The following TSC2 variants were observed in gnomAD, a reference collection of about 807,000 sequenced individuals.
The protein encoded by TSC2 is TSC complex subunit 2.
Under a neutral mutation model 202.2 loss-of-function variants are expected in TSC2, and 29 were observed. The ratio of observed to expected loss-of-function variants is 0.14; its 90% confidence interval spans 0.11 to 0.20. TSC2 has a LOEUF of 0.20. Among genes scored for constraint, TSC2 ranks in the 10% least tolerant of loss-of-function variants. The pLI is 1.00. For synonymous variants in TSC2, 1,349 were observed against 1,044.0 expected, an observed-to-expected ratio of 1.29 and a Z score of -5.63; for missense variants, 2,429 against 2,420.0, an observed-to-expected ratio of 1.00 and a Z score of -0.08.
intron 19 of TSC2, 124 bp downstream of exon 19, chr16:2,072,058 GCCTTCCC>G: frequency 1.4e-6 from 2 of 1,481,292 alleles, no homozygotes; most frequent in South Asian, 2.6e-5. Flanking sequence ...TCAGAGCTGA[GCCTTCCC>G]CCTTCCCCGA....
intron 2 of TSC2, among the ~76,000 whole-genome samples, chr16:2,049,667 A>G (rs1322194645): frequency 6.6e-6 from 1 of 151,676 alleles, no homozygotes; most frequent in South Asian, 2.1e-4. Context: ...TCTACTAAAA[A>G]TACCAAAAAT....
At chr16:2,064,106 G>A in intron 14 of TSC2, 166 bp from the exon 15 acceptor site, 2 of 1,119,852 alleles carry the variant, frequency 1.8e-6, no homozygotes, top group East Asian at 2.4e-5. Flanking sequence ...GGGGCCCCGG[G>A]GTCTCTGAGT....
intron 16 of TSC2, among the ~76,000 whole-genome samples, chr16:2,068,257 C>G (rs1272443695): frequency 2.6e-5 from 4 of 152,146 alleles, no homozygotes; most frequent in Non-Finnish European, 5.9e-5. Flanking sequence ...CCAGGCTGGT[C>G]TCAATCTCCT....
chr16:2,075,742 C>T (rs1224449168), intron 22 of TSC2, 57 bp from the exon 23 acceptor site: 4 of 1,582,718 alleles, frequency 2.5e-6, no homozygotes, highest in Non-Finnish European at 2.6e-6. Context: ...CCGTGTTGGC[C>T]TTCAGAGGCG....
chr16:2,053,443 G>A lies in TSC2; in HGVS notation c.327G>A (p.Val109=), dbSNP rs754348511. 5.7e-6 allele frequency: 9 copies of A among 1,573,410 alleles called. No individual in the cohort carries two copies. The African/African-American group carries it at 9.5e-5, about 17-fold the overall frequency. The change falls in exon 4 of 42, where the codon GTG becomes GTA. Residue 109 remains valine, a synonymous_variant. Coordinates refer to ENST00000219476, the MANE Select transcript of TSC2 (RefSeq NM_000548.5). The part of the protein sequence containing the change: ...HAVLALLKAI[V]QGQGERLGVL... ...TGCTGGCTCTGCTGAAGGCCATCGT[G>A]CAGGGGCAGGTAAGGCCCAGGGCGA...
chr16:2,088,867 G>A lies in TSC2; in HGVS notation c.*257G>A, dbSNP rs111648142. On this transcript the variant is annotated 3_prime_UTR_variant, in exon 42 of 42. Coordinates refer to ENST00000219476, the MANE Select transcript of TSC2 (RefSeq NM_000548.5). ...GCTGCCTGGGCCATACAGCACACTC[G>A]CGCGTGCGCGCGCGCACACACACAC... 7.8e-5 allele frequency: 39 copies of A among 498,008 alleles called. 1 individual carries two copies. The African/African-American group carries it at 1.0e-3, about 13-fold the overall frequency. 30.8% of individuals were successfully genotyped at this position (498,008 alleles called of 1,614,324 possible).
chr16:2,088,457 A>G lies in TSC2; in HGVS notation c.5271A>G (p.Glu1757=). Residue 1757 remains glutamate (E), a synonymous_variant, in exon 42 of 42, where the codon GAA becomes GAG. Transcript: ENST00000219476. The stretch of plus-strand genomic sequence containing the variant: ...GCCTCTGCCTTCAGATCTGCGAGGA[A>G]GCCGCCTACTCCAACCCCAGCCTAC... ...IKRLRQRICE[E]AAYSNPSLPL... 1.2e-6 allele frequency: 2 copies of G among 1,612,838 alleles called. No individual in the cohort carries two copies. The highest frequency in any genetic ancestry group is 2.2e-5 in the East Asian group (1 of 44,870).
At chr16:2,054,552 C>T (rs548340272) in intron 5 of TSC2, 112 bp downstream of exon 5, 27 of 1,492,764 alleles carry the variant, frequency 1.8e-5, no homozygotes, top group Middle Eastern at 2.3e-4. Flanking sequence ...TGGCCTGCAG[C>T]GGGTATGCCC....
rs1348132048 is a variant in TSC2, at chr16:2,088,665, TAAATAA to T, written c.*57_*62del. On this transcript the variant is annotated 3_prime_UTR_variant, in exon 42 of 42. Transcript: ENST00000219476. ...TGGACGGTATTGCCTGTCAGTGAAA[TAAATAA>T]AGTCCTGACCCCAGTGCACAGACAT... 6.5e-6 allele frequency: 10 copies of T among 1,548,696 alleles called. No individual in the cohort carries two copies. The highest frequency in any genetic ancestry group is 1.9e-5 in the Admixed American group (1 of 53,192).
At position 2,084,955 on chromosome 16, in the gene TSC2, G is replaced by A. The variant is rs397515167; in HGVS notation, c.4498G>A (p.Val1500Met). ...EKVPGINPSFVFLQLYHSPFF... is the reference protein window; with the variant it reads ...EKVPGINPSFMFLQLYHSPFF... ...CACCATCCCCTCCCTGTGCAGTTTC[G>A]TGTTCCTGCAGCTCTACCATTCCCC... The change falls in exon 35 of 42, where the codon GTG becomes ATG. Residue 1500 changes from valine (V) to methionine (M), a missense_variant. Transcript: ENST00000219476. 4.3e-6 allele frequency: 7 copies of A among 1,613,272 alleles called. No individual in the cohort carries two copies. Among genetic ancestry groups the A allele is most frequent in the African/African-American group, 1.3e-5 (1 of 75,060 alleles).
rs564724053 is a variant in TSC2 at position 2,080,199 on chromosome 16, G to A, written c.3432G>A (p.Val1144=). Reference sequence around the variant, plus strand: ...GTCTTCGAGTTGGCGCCCTGGACGTGCCGGCCTCCCAGTTCCTGGGCAGTG... The same window carrying A: ...GTCTTCGAGTTGGCGCCCTGGACGTACCGGCCTCCCAGTTCCTGGGCAGTG... ...GHGLRVGALD[V]PASQFLGSAT... Residue 1144 remains valine, a synonymous_variant, in exon 30 of 42, where the codon GTG becomes GTA. Transcript: ENST00000219476. 1.9e-6 allele frequency: 3 copies of A among 1,612,948 alleles called. No homozygotes were observed. Among genetic ancestry groups the A allele is most frequent in the Admixed American group, 1.7e-5 (1 of 60,030 alleles).
chr16:2,048,345 G>A, intron 1 of TSC2: 2 of 884,398 alleles, frequency 2.3e-6, no homozygotes, highest in Non-Finnish European at 3.7e-6. Context: ...GCACTGAGTC[G>A]GGCGGGGCGG....
In TSC2 at chr16:2,085,265, C is replaced by A. The variant is rs1555515283; in HGVS notation, c.4605C>A (p.Asp1535Glu). The stretch of plus-strand genomic sequence containing the variant: ...TTGAGCGGTCGGTGCAGCTCCTCGA[C>A]CAGATCCCATCATACGACACCCACA... ...QSFERSVQLLDQIPSYDTHKI... is the reference protein window; with the variant it reads ...QSFERSVQLLEQIPSYDTHKI... Residue 1535 changes from aspartate (D) to glutamate (E), a missense_variant, in exon 36 of 42, where the codon GAC becomes GAA. Physicochemically the swap from Asp to Glu is conservative, Grantham distance 45. Transcript: ENST00000219476. 2 of 1,612,772 alleles carry A rather than the reference C, an allele frequency of 1.2e-6. No homozygotes were observed. Among genetic ancestry groups the A allele is most frequent in the Non-Finnish European group, 1.7e-6 (2 of 1,179,962 alleles).
chr16:2,072,511 C>T, intron 20 of TSC2, 148 bp downstream of exon 20: 3 of 1,332,620 alleles, frequency 2.3e-6, no homozygotes, highest in East Asian at 2.3e-5. Context: ...GCAGATTGTG[C>T]CTTGGGCAGG....
intron 3 of TSC2, among the ~76,000 whole-genome samples, chr16:2,051,838 A>G (rs1596252565): frequency 2.0e-5 from 3 of 152,186 alleles, no homozygotes; most frequent in South Asian, 4.2e-4. Flanking sequence ...GCCAAGGTGG[A>G]TGGATCACCT....
intron 15 of TSC2, 44 bp from the exon 16 acceptor site, chr16:2,065,475 C>T (rs2151204691): frequency 1.5e-6 from 2 of 1,327,892 alleles, no homozygotes; most frequent in African/African-American, 1.5e-5. Context: ...GCTGCTGACT[C>T]AGAACCATGA....
At chr16:2,076,732 G>A (rs2089439037) in intron 25 of TSC2, 147 bp downstream of exon 25, 3 of 814,426 alleles carry the variant, frequency 3.7e-6, no homozygotes, top group Non-Finnish European at 5.9e-6. Context: ...ACCTGCAAGG[G>A]CCGCTAACAC....
In TSC2 at chr16:2,054,293, T is replaced by C. The variant is rs770515822; in HGVS notation, c.337-3T>C. 2.4e-5 allele frequency: 38 copies of C among 1,614,042 alleles called. No individual in the cohort carries two copies. Among genetic ancestry groups the C allele is most frequent in the Non-Finnish European group, 2.9e-5 (34 of 1,180,024 alleles). ...CTGCTGATCCTGTGGCTTTTGTCTT[T>C]AGGGCGAGCGTTTGGGGGTCCTCAG... On this transcript the variant is annotated splice_region_variant and splice_polypyrimidine_tract_variant and intron_variant, in intron 4 of 41. Transcript: ENST00000219476.
At chr16:2,058,963 G>T in intron 10 of TSC2, 90 bp downstream of exon 10, 3 of 1,551,204 alleles carry the variant, frequency 1.9e-6, no homozygotes, top group East Asian at 2.3e-5. Flanking sequence ...TCCTGCTGCG[G>T]GGGCTGCGGT....
Sources: gnomAD v4.1 joint callset for allele counts (sites outside exome capture counted in the v4.1 genomes callset) on GRCh38, gnomAD v4.1.1 for gene constraint, MANE v1.5 for transcripts, NCBI Gene and HGNC (gene_info 2026-07-23, HGNC 2026-07-21) for gene names.